The following PTCH1 variants were observed in gnomAD, a reference collection of about 807,000 sequenced individuals.
PTCH1 encodes the protein patched 1.
PTCH1 carries 14 observed loss-of-function variants against 144.6 expected under a neutral mutation model. The observed-to-expected ratio is 0.10, with a 90% CI of 0.06 to 0.15. The LOEUF is 0.15. Ranked by LOEUF, PTCH1 falls within the 10% of genes least tolerant of loss-of-function variation. The pLI is 1.00. For synonymous variants in PTCH1, 833 were observed against 793.6 expected (o/e 1.05, Z -0.83); for missense variants, 1,623 against 1,948.3 (o/e 0.83, Z 3.14).
At chr9:95,492,928 T>C (rs1345779401) in intron 2 of PTCH1, among the ~76,000 whole-genome samples, 2 of 152,100 alleles carry the variant, frequency 1.3e-5, no homozygotes, top group Non-Finnish European at 2.9e-5. Context: ...ACAGAGAACA[T>C]GCAGCCCTAA....
rs2118037893 is a variant in PTCH1, at chr9:95,468,901, C to G, written c.2100G>C (p.Gln700His). 6.2e-7 allele frequency: 1 copy of G among 1,614,118 alleles called. No homozygotes were observed. The highest frequency in any genetic ancestry group is 2.2e-5 in the East Asian group (1 of 44,866). The part of the protein sequence containing the change: ...VTVTQDTLSC[Q>H]SPESTSSTRD... ...TTGTGGAGCTGGTGCTCTCTGGGCT[C>G]TGGCAGCTGAGGGTGTCCTGTGTCA... Residue 700 changes from glutamine (Q) to histidine (H), a missense_variant, in exon 14 of 24, where the codon CAG (glutamine) becomes CAC (histidine). Gln to His is a conservative substitution (Grantham distance 24). Around this residue, in one of 7 missense-constraint regions of PTCH1, gnomAD observed 179 missense variants for 165.7 expected, o/e 1.08. Coordinates refer to ENST00000331920, the MANE Select transcript of PTCH1 (RefSeq NM_000264.5).
intron 2 of PTCH1, among the ~76,000 whole-genome samples, chr9:95,487,919 G>C (rs1323403582): frequency 6.6e-6 from 1 of 152,154 alleles, no homozygotes; most frequent in African/African-American, 2.4e-5. Context: ...TTATAGTGAG[G>C]AGCAGTCCAT....
intron 2 of PTCH1, 39 bp downstream of exon 2, chr9:95,506,368 C>A (rs2118871507): frequency 6.3e-7 from 1 of 1,599,528 alleles, no homozygotes; most frequent in Non-Finnish European, 8.5e-7. Flanking sequence ...CGAGGAGGGA[C>A]CGGGCCGGGG....
chr9:95,512,909 C>G (rs761663940), upstream of PTCH1, among the ~76,000 whole-genome samples: 1 of 152,162 alleles, frequency 6.6e-6, no homozygotes, highest in Non-Finnish European at 1.5e-5. Flanking sequence ...TTCCATTTCC[C>G]CTTTCCAAGT....
rs960208850 is a variant in PTCH1 at position 95,449,605 on chromosome 9, G to A, written c.3549+236C>T. 1 of 642,542 alleles carries A rather than the reference G, an allele frequency of 1.6e-6. No homozygotes were observed. The highest frequency in any genetic ancestry group is 2.7e-6 in the Non-Finnish European group (1 of 370,490). 39.8% of individuals were successfully genotyped at this position (642,542 alleles called of 1,614,324 possible). A position where few individuals can be genotyped will look rare whatever the true frequency, so the allele number is the denominator to read the frequency against. Reference sequence around the variant, plus strand: ...CTCAAGGGGAAAGTCTTCATTTACTGTATAAAGATCTGTAAGACCCAGGCT... The same window carrying A: ...CTCAAGGGGAAAGTCTTCATTTACTATATAAAGATCTGTAAGACCCAGGCT... On this transcript the variant is annotated intron_variant, in intron 21 of 23. Transcript: ENST00000331920. This position sits in a 1 kb window ranked among gnomAD's most constrained non-coding sequence, Gnocchi z 5.3.
At chr9:95,455,339 AC>A (rs1361825361) in intron 19 of PTCH1, among the ~76,000 whole-genome samples, 15 of 152,190 alleles carry the variant, frequency 9.9e-5, no homozygotes, top group Non-Finnish European at 1.9e-4. Context: ...CCCAAAGGAA[AC>A]CTGTGCTAGA....
rs777587539 is a variant in PTCH1, at chr9:95,469,825, C to A, written c.1835G>T (p.Cys612Phe). The A allele has an allele frequency of 9.9e-6, 16 of 1,612,670 alleles. No individual in the cohort carries two copies. The highest frequency in any genetic ancestry group is 1.2e-5 in the Non-Finnish European group (14 of 1,178,842). Residue 612 changes from cysteine (C) to phenylalanine (F), a missense_variant, in exon 13 of 24, where the codon TGC becomes TTC. Physicochemically the swap from Cys to Phe is radical, Grantham distance 205. This residue lies in a region of PTCH1 where 135 missense variants were observed against 228.7 expected (regional missense o/e 0.59). Transcript: ENST00000331920. ...RREDRRLDIF[C>F]CFTSPCVSRV... Reference sequence around the variant, plus strand: ...TCTGAAAATGTACCTTGTAAAACAGCAGAAAATATCCAGTCTCCTGTCCTC... The same window carrying A: ...TCTGAAAATGTACCTTGTAAAACAGAAGAAAATATCCAGTCTCCTGTCCTC...
At position 95,449,797 on chromosome 9, in the gene PTCH1, A is replaced by G. The variant is rs1838295370; in HGVS notation, c.3549+44T>C. 2.6e-6 allele frequency: 4 copies of G among 1,537,332 alleles called. No individual in the cohort carries two copies. Among genetic ancestry groups the G allele is most frequent in the East Asian group, 2.3e-5 (1 of 44,426 alleles). ...TGAAGAGCGGCACAGGAAACACAGCATTCAGCCGGCCTACACGTGGGACAT... is the reference window on the plus strand; with the variant it reads ...TGAAGAGCGGCACAGGAAACACAGCGTTCAGCCGGCCTACACGTGGGACAT... On this transcript the variant is annotated intron_variant, in intron 21 of 23. Coordinates refer to ENST00000331920, the MANE Select transcript of PTCH1 (RefSeq NM_000264.5). This position sits in a 1 kb window ranked among gnomAD's most constrained non-coding sequence, Gnocchi z 5.3.
intron 2 of PTCH1, among the ~76,000 whole-genome samples, chr9:95,486,499 G>C (rs1199151420): frequency 1.3e-5 from 2 of 152,244 alleles, no homozygotes; most frequent in Non-Finnish European, 2.9e-5. Context: ...TCCATCAGAC[G>C]CACCTGGTCA....
intron 2 of PTCH1, among the ~76,000 whole-genome samples, chr9:95,489,917 A>C (rs1041339798): frequency 2.7e-5 from 4 of 150,664 alleles, no homozygotes; most frequent in South Asian, 4.2e-4. Flanking sequence ...TCTCCTGCCT[A>C]AGCCTCCCAA....
At chr9:95,480,969 A>T (rs890197280) in intron 5 of PTCH1, among the ~76,000 whole-genome samples, 1 of 152,202 alleles carries the variant, frequency 6.6e-6, no homozygotes, top group Non-Finnish European at 1.5e-5. Flanking sequence ...AGCCAAATAA[A>T]TACTTTGTAA....
At chr9:95,507,400 G>C in intron 1 of PTCH1, 1 of 985,516 alleles carries the variant, frequency 1.0e-6, no homozygotes, top group Non-Finnish European at 1.2e-6. Context: ...GCGGGCCCCC[G>C]TCTGGGTGCT....
At chr9:95,448,993 A>G (rs1008945578) in intron 22 of PTCH1, 76 bp downstream of exon 22, 14 of 1,591,250 alleles carry the variant, frequency 8.8e-6, no homozygotes, top group Non-Finnish European at 1.2e-5. Flanking sequence ...CTCAGCAGAC[A>G]GGAGCCCCCG....
chr9:95,457,105 T>A (rs1004152963), intron 18 of PTCH1, among the ~76,000 whole-genome samples: 10 of 152,112 alleles, frequency 6.6e-5, no homozygotes, highest in Admixed American at 6.5e-4. Context: ...ATCTTCCTTG[T>A]AAAAATTTGT....
At chr9:95,482,348 G>T in intron 3 of PTCH1, 145 bp from the exon 4 acceptor site, 1 of 756,184 alleles carries the variant, frequency 1.3e-6, no homozygotes, top group Non-Finnish European at 2.2e-6. Context: ...TTGCCAAGTA[G>T]AGACCCAGCA....
At chr9:95,508,125 G>A (rs371063031) in intron 1 of PTCH1, 36 bp downstream of exon 1, 110 of 1,610,610 alleles carry the variant, frequency 6.8e-5, no homozygotes, top group Non-Finnish European at 8.7e-5. Flanking sequence ...GTTAGAGGAG[G>A]GAAGAGAAAG....
rs369865916 is a variant in PTCH1, at chr9:95,516,780, G to T, written c.-309C>A. 3.7e-6 allele frequency: 6 copies of T among 1,612,522 alleles called. No homozygotes were observed. The African/African-American group carries it at 4.0e-5, about 11-fold the overall frequency. ...GGAGGCTTTCGGCGGAGTGCAGCGC[G>T]GACTCACAATTACAAGCCTGTTTCT... On this transcript the variant is annotated 5_prime_UTR_variant, in exon 1 of 23. Transcript: ENST00000430669.
Position 95,492,967 on chromosome 9 carries a change from T to C in PTCH1, c.395-7093A>G, listed in dbSNP as rs534320091. 3.3e-4 allele frequency among the ~76,000 whole-genome samples: 51 copies of C among 152,270 alleles called. 2 individuals carry two copies. The South Asian group carries it at 0.01, about 30-fold the overall frequency. On this transcript the variant is annotated intron_variant, in intron 2 of 23. Transcript: ENST00000331920. ...TCTTTACCTGCAAATTCTGCCATCT[T>C]ATTCTCCAGAAATCCAAGGCTTAAG...
At position 95,480,069 on chromosome 9, in the gene PTCH1, A is replaced by T. The variant is rs1358555059; in HGVS notation, c.967T>A (p.Leu323Met). Residue 323 changes from leucine to methionine, a missense_variant, in exon 7 of 24, where the codon TTG becomes ATG. This residue lies in a region of PTCH1 where 230 missense variants were observed against 271.0 expected (regional missense o/e 0.85). Transcript: ENST00000331920. Reference sequence around the variant, plus strand: ...GATAAGCCATGACATCCACCATTCAAAACAAGGGCCATATCAAGAGGCTAA... The same window carrying T: ...GATAAGCCATGACATCCACCATTCATAACAAGGGCCATATCAAGAGGCTAA... Reference protein sequence around the residue: ...STKPLDMALVLNGGCHGLSRK... With the variant: ...STKPLDMALVMNGGCHGLSRK... The T allele has an allele frequency of 6.2e-7, 1 of 1,613,870 alleles. No individual in the cohort carries two copies. Among genetic ancestry groups the T allele is most frequent in the Admixed American group, 1.7e-5 (1 of 59,996 alleles).
Sources: gnomAD v4.1 joint callset for allele counts (sites outside exome capture counted in the v4.1 genomes callset) on GRCh38, gnomAD v4.1.1 for gene constraint, gnomAD v4.1.1 regional missense constraint, Gnocchi (gnomAD v3.1) non-coding constraint, MANE v1.5 for transcripts, NCBI Gene and HGNC (gene_info 2026-07-23, HGNC 2026-07-21) for gene names.